Variants in TRIM52 observed in about 807,000 individuals in gnomAD.
The protein encoded by TRIM52 is E3 ubiquitin-protein ligase TRIM52.
Under a neutral mutation model 27.0 loss-of-function variants are expected in TRIM52, and 24 were observed. The ratio of observed to expected loss-of-function variants is 0.89; its 90% CI spans 0.64 to 1.25. The LOEUF is 1.25. TRIM52 is among the 50% of genes most tolerant of loss of function. The pLI, the probability that TRIM52 is intolerant of heterozygous loss-of-function variation, is 0.00. For synonymous variants in TRIM52, 125 were observed against 126.5 expected, an observed-to-expected ratio of 0.99 and a Z score of 0.08; for missense variants, 351 against 354.7, an observed-to-expected ratio of 0.99 and a Z score of 0.08.
intron 1 of TRIM52, 173 bp from the exon 2 acceptor site, chr5:181,257,032 AC>A: frequency 1.0e-6 from 1 of 992,286 alleles, no homozygotes; most frequent in African/African-American, 1.7e-5. Context: ...GGGTGGCAGG[AC>A]AATCCAGGCA....
At position 181,256,099 on chromosome 5, in the gene TRIM52, C is replaced by T. The variant is rs1185450510; in HGVS notation, c.*710G>A. The T allele has an allele frequency of 6.6e-6, 1 of 152,186 alleles. No individual in the cohort carries two copies. Among genetic ancestry groups the T allele is most frequent in the Non-Finnish European group, 1.5e-5 (1 of 68,034 alleles). 9.4% of individuals were successfully genotyped at this position (152,186 alleles called of 1,614,324 possible). On this transcript the variant is annotated 3_prime_UTR_variant, in exon 2 of 2. Coordinates refer to ENST00000688015, the MANE Select transcript of TRIM52 (RefSeq NM_001346048.2). ...AGTTCATGCTTGGTGGTGACAGCTGCAGTACATCTTGAATACCAGTTTTCT... is the reference window on the plus strand; with the variant it reads ...AGTTCATGCTTGGTGGTGACAGCTGTAGTACATCTTGAATACCAGTTTTCT...
downstream of TRIM52, among the ~76,000 whole-genome samples, chr5:181,250,587 C>G (rs1053397431): frequency 6.6e-6 from 1 of 152,060 alleles, no homozygotes; most frequent in African/African-American, 2.4e-5. Flanking sequence ...TTCTAGCCTC[C>G]TTGTCAAAGG....
In TRIM52 at chr5:181,260,376, A is replaced by T. The variant is rs1189953699; in HGVS notation, c.438T>A (p.Asp146Glu). The T allele has an allele frequency of 6.2e-7, 1 of 1,613,942 alleles. No individual in the cohort carries two copies. Among genetic ancestry groups the T allele is most frequent in the African/African-American group, 1.3e-5 (1 of 74,884 alleles). The change falls in exon 1 of 2, where the codon GAT (aspartate) becomes GAA (glutamate). Residue 146 changes from aspartate to glutamate, a missense_variant. Coordinates refer to ENST00000688015, the MANE Select transcript of TRIM52 (RefSeq NM_001346048.2). This position sits in a 1 kb window ranked among gnomAD's most constrained non-coding sequence, Gnocchi z 4.4. ...CCAGTATTTCTTCTTCTCGGTAGAC[A>T]TCAATTCTCAGGTCAGGTCTCAAGC... is the stretch of plus-strand genomic sequence containing the variant. The part of the protein sequence containing the change: ...LGGLRPDLRI[D>E]VYREEEILEA...
Position 181,260,365 on chromosome 5 carries a change from T to TC in TRIM52, c.448dup (p.Glu150GlyfsTer10). 6.2e-7 allele frequency: 1 copy of TC among 1,614,050 alleles called. No individual in the cohort carries two copies. Among genetic ancestry groups the TC allele is most frequent in the African/African-American group, 1.3e-5 (1 of 75,006 alleles). On this transcript the variant is annotated frameshift_variant, in exon 1 of 2. Transcript: ENST00000688015. LOFTEE classifies it high-confidence loss of function. This position sits in a 1 kb window ranked among gnomAD's most constrained non-coding sequence, Gnocchi z 4.4. ...ATCGTATGCTTCCAGTATTTCTTCT[T>TC]CTCGGTAGACATCAATTCTCAGGTC...
At chr5:181,259,054 T>C (rs1759915645) in intron 1 of TRIM52, 1 of 152,338 alleles carries the variant, frequency 6.6e-6, no homozygotes, top group Non-Finnish European at 1.5e-5. Context: ...ACCTAGACTT[T>C]TGGTAAGGAA....
At chr5:181,249,644 C>T (rs755151549), downstream of TRIM52, among the ~76,000 whole-genome samples, 68 of 151,690 alleles carry the variant, frequency 4.5e-4, no homozygotes, top group Non-Finnish European at 7.4e-4. Context: ...TCACTACACT[C>T]CAGCCTGGGT....
chr5:181,252,207 G>C (rs924186329), downstream of TRIM52, among the ~76,000 whole-genome samples: 15 of 152,114 alleles, frequency 9.9e-5, no homozygotes, highest in African/African-American at 3.6e-4. Flanking sequence ...CTCCCAGCTG[G>C]AAAAAGAAAA....
At chr5:181,259,175 A>G (rs956908059) in intron 1 of TRIM52, 1 of 152,282 alleles carries the variant, frequency 6.6e-6, no homozygotes, top group Non-Finnish European at 1.5e-5. Context: ...GACAAGTTAC[A>G]AGAAAGCCAA....
chr5:181,257,558 T>C, intron 1 of TRIM52: 1 of 1,342,240 alleles, frequency 7.5e-7, no homozygotes, highest in Non-Finnish European at 1.0e-6. Flanking sequence ...TAATGTATAC[T>C]GTATTAAATA....
At chr5:181,259,798 C>T (rs1759950607) in intron 1 of TRIM52, 2 of 1,189,212 alleles carry the variant, frequency 1.7e-6, no homozygotes, top group Non-Finnish European at 2.3e-6. Flanking sequence ...TCTGGGGAAG[C>T]CAATCTGCCC....
downstream of TRIM52, among the ~76,000 whole-genome samples, chr5:181,254,072 C>T (rs1272103888): frequency 4.2e-5 from 6 of 141,570 alleles, 2 homozygotes; most frequent in African/African-American, 1.2e-4. Flanking sequence ...GGGCAGATCA[C>T]GGGGTCAGGA....
chr5:181,255,781 TG>T lies in TRIM52; in HGVS notation c.*1027del, dbSNP rs1561686864. 6.6e-6 allele frequency: 1 copy of T among 152,250 alleles called. No homozygotes were observed. The highest frequency in any genetic ancestry group is 2.1e-4 in the South Asian group (1 of 4,832). The allele number at this position is 152,250 out of a possible 1,614,324, so 9.4% of individuals were successfully genotyped here. Reference sequence around the variant, plus strand: ...TTGCCCATTGACATTTCAGTGTCAATGTATTTTAAGCTTCAGTGTGTTAAAA... The same window carrying T: ...TTGCCCATTGACATTTCAGTGTCAATTATTTTAAGCTTCAGTGTGTTAAAA... On this transcript the variant is annotated 3_prime_UTR_variant, in exon 2 of 2. Coordinates refer to ENST00000688015, the MANE Select transcript of TRIM52 (RefSeq NM_001346048.2).
At chr5:181,251,930 A>G (rs571293876), downstream of TRIM52, among the ~76,000 whole-genome samples, 3 of 152,172 alleles carry the variant, frequency 2.0e-5, no homozygotes, top group Non-Finnish European at 4.4e-5. Flanking sequence ...CCCCCATCCC[A>G]TTTTCAAAAA....
downstream of TRIM52, among the ~76,000 whole-genome samples, chr5:181,250,219 G>T (rs1296041971): frequency 2.6e-5 from 4 of 152,034 alleles, no homozygotes; most frequent in African/African-American, 9.7e-5. Context: ...GTGGAAAGGG[G>T]ATGGTCCAGA....
In TRIM52 at chr5:181,260,448, G is replaced by T. The variant is rs771005141; in HGVS notation, c.366C>A (p.Asp122Glu). 6.2e-7 allele frequency: 1 copy of T among 1,612,750 alleles called. No individual in the cohort carries two copies. Among genetic ancestry groups the T allele is most frequent in the East Asian group, 2.2e-5 (1 of 44,798 alleles). ...CTTCCTCTTCTTCTTCTTCCTCCTC[G>T]TCCCACATATAGTCTACGTTGTCCC... ...TNWDNVDYMW[D>E]EEEEEEEEDQ... Residue 122 changes from aspartate to glutamate, a missense_variant, in exon 1 of 2, where the codon GAC becomes GAA. Asp to Glu is a conservative substitution (Grantham distance 45). Transcript: ENST00000688015. The surrounding 1 kb of genome is among the most constrained non-coding windows in gnomAD (Gnocchi z 4.4).
Position 181,260,154 on chromosome 5 carries a change from C to G in TRIM52, c.660G>C (p.Arg220=). The change falls in exon 1 of 2, where the codon CGG becomes CGC. Residue 220 remains arginine, a synonymous_variant. Transcript: ENST00000688015. The surrounding 1 kb of genome is among the most constrained non-coding windows in gnomAD (Gnocchi z 4.4). ...QMCPTPYRGN[R]SNDQGMCFKH... is the part of the protein sequence containing the mutation. ...TAAAGCACATGCCCTGATCATTACT[C>G]CGGTTTCCCCGATAAGGAGTGGGGC... is the stretch of plus-strand genomic sequence containing the variant. 6.2e-7 allele frequency: 1 copy of G among 1,614,204 alleles called. No homozygotes were observed. Among genetic ancestry groups the G allele is most frequent in the Non-Finnish European group, 8.5e-7 (1 of 1,180,048 alleles).
downstream of TRIM52, among the ~76,000 whole-genome samples, chr5:181,251,026 C>T (rs1252070380): frequency 6.6e-6 from 1 of 151,932 alleles, no homozygotes; most frequent in African/African-American, 2.4e-5. Context: ...GTGGTGGCTC[C>T]TGCCTATAAT....
At chr5:181,251,566 T>G (rs1462958789), downstream of TRIM52, among the ~76,000 whole-genome samples, 1 of 152,158 alleles carries the variant, frequency 6.6e-6, no homozygotes, top group Non-Finnish European at 1.5e-5. Context: ...AAGTAATAAC[T>G]TAGAGGAACG....
At chr5:181,250,619 TAGAG>T (rs1188769046), downstream of TRIM52, among the ~76,000 whole-genome samples, 1 of 152,086 alleles carries the variant, frequency 6.6e-6, no homozygotes, top group Non-Finnish European at 1.5e-5. Context: ...CATTAGATGG[TAGAG>T]AGAAACAAAA....
Sources: gnomAD v4.1 joint callset for allele counts (sites outside exome capture counted in the v4.1 genomes callset) on GRCh38, gnomAD v4.1.1 for gene constraint, Gnocchi (gnomAD v3.1) non-coding constraint, MANE v1.5 for transcripts, NCBI Gene and HGNC (gene_info 2026-07-23, HGNC 2026-07-21) for gene names.